The following PAM variants were observed in gnomAD, a reference collection of about 807,000 sequenced individuals.
PAM encodes the protein peptidyl-glycine alpha-amidating monooxygenase.
PAM carries 72 observed loss-of-function variants against 122.1 expected under a neutral mutation model. That is an observed-to-expected ratio of 0.59 (90% confidence interval 0.49 to 0.72). The LOEUF (loss-of-function observed/expected upper bound fraction) is 0.72, where lower values mean the gene tolerates loss of function less well. Ranked by LOEUF, PAM falls within the 30% of genes least tolerant of loss-of-function variation. The pLI, the probability that PAM is intolerant of heterozygous loss-of-function variation, is 0.00. For synonymous variants in PAM, 389 were observed against 404.4 expected (o/e 0.96, Z 0.46); for missense variants, 1,106 against 1,183.7 (o/e 0.93, Z 0.96).
chr5:103,004,383 G>C (rs1778310348), intron 17 of PAM, among the ~76,000 whole-genome samples: 1 of 152,096 alleles, frequency 6.6e-6, no homozygotes, highest in Admixed American at 6.6e-5. Flanking sequence ...CAGGGATCTA[G>C]TTCAGCTAAT....
chr5:102,867,124 C>T lies in PAM; in HGVS notation c.90-149C>T, dbSNP rs188357483. 5.1e-5 allele frequency: 24 copies of T among 473,084 alleles called. No homozygotes were observed. The Admixed American group carries it at 5.3e-4, about 10-fold the overall frequency. The allele number at this position is 473,084 out of a possible 1,614,324, so 29.3% of individuals were successfully genotyped here. On this transcript the variant is annotated intron_variant, in intron 2 of 25. Transcript: ENST00000438793. The stretch of plus-strand genomic sequence containing the variant: ...TAAAATGAAAATCTGAGTATGTTTA[C>T]GAACATTGTGTAGTCATCACATCTT...
At chr5:102,938,132 CAA>C (rs1033539730) in intron 7 of PAM, among the ~76,000 whole-genome samples, 1 of 152,162 alleles carries the variant, frequency 6.6e-6, no homozygotes, top group Non-Finnish European at 1.5e-5. Context: ...TAGTACCTCC[CAA>C]ATGATCTGAA....
rs1198688564 is a variant in PAM, at chr5:103,003,146, A to G, written c.1727A>G (p.Asn576Ser). Residue 576 changes from asparagine to serine, a missense_variant, in exon 17 of 26, where the codon AAT (asparagine) becomes AGT (serine). Asn to Ser is a conservative substitution (Grantham distance 46). Transcript: ENST00000438793. ...NAAVLQSSGK[N>S]LFYLPHGLSI... ...GCAGTACTCCAGTCCAGTGGAAAAA[A>G]TCTGTGAGTTAAATGACTTATGTTG... 7.5e-7 allele frequency: 1 copy of G among 1,329,570 alleles called. No individual in the cohort carries two copies. The highest frequency in any genetic ancestry group is 2.3e-5 in the East Asian group (1 of 43,540). The allele number at this position is 1,329,570 out of a possible 1,614,324, so 82.4% of individuals were successfully genotyped here.
intron 7 of PAM, among the ~76,000 whole-genome samples, chr5:102,928,421 GATAAGAA>G (rs1242744365): frequency 2.6e-5 from 4 of 152,080 alleles, no homozygotes; most frequent in Non-Finnish European, 5.9e-5. Flanking sequence ...GTAAGAGACA[GATAAGAA>G]ATTTTAACTT....
In PAM at chr5:102,960,035, G is replaced by A. The variant is rs759258064; in HGVS notation, c.1066G>A (p.Val356Ile). 3.1e-6 allele frequency: 5 copies of A among 1,602,154 alleles called. No individual in the cohort carries two copies. In the East Asian group the frequency reaches 1.1e-4, roughly 36 times the overall value. The change falls in exon 13 of 26, where the codon GTT becomes ATT. Residue 356 changes from valine to isoleucine, a missense_variant. Physicochemically the swap from Val to Ile is conservative, Grantham distance 29. This residue lies in a region of PAM where 670 missense variants were observed against 690.3 expected (regional missense o/e 0.97). Coordinates refer to ENST00000438793, the MANE Select transcript of PAM (RefSeq NM_001177306.2). ...NIPIPVKSDM[V>I]MMHEHHKETE... Reference sequence around the variant, plus strand: ...TCCAATTCCCGTGAAGTCTGATATGGTTATGATGCATGAACATCATAAAGG... The same window carrying A: ...TCCAATTCCCGTGAAGTCTGATATGATTATGATGCATGAACATCATAAAGG...
At chr5:102,860,738 AG>A (rs1233506656) in intron 1 of PAM, among the ~76,000 whole-genome samples, 1 of 152,038 alleles carries the variant, frequency 6.6e-6, no homozygotes, top group Non-Finnish European at 1.5e-5. Flanking sequence ...TTAATTATAA[AG>A]GGGAAAAAAA....
chr5:102,768,480 T>TC (rs893603821), intron 1 of PAM, among the ~76,000 whole-genome samples: 1 of 132,896 alleles, frequency 7.5e-6, no homozygotes, highest in African/African-American at 2.9e-5. Context: ...CCATCCCAAC[T>TC]CCCCCTCTAA....
Position 102,987,414 on chromosome 5 carries a change from G to A in PAM, c.1484-2858G>A, listed in dbSNP as rs530066038. ...AGATTCAGGGGAATGGAGACAAGTT[G>A]GTTAATGGGTACCAACATGTAGAGA... On this transcript the variant is annotated intron_variant, in intron 15 of 25. Coordinates refer to ENST00000438793, the MANE Select transcript of PAM (RefSeq NM_001177306.2). The A allele has an allele frequency of 1.2e-4, 44 of 357,536 alleles. 1 individual carries two copies. The Middle Eastern group carries it at 6.6e-3, about 53-fold the overall frequency. 22.1% of individuals were successfully genotyped at this position (357,536 alleles called of 1,614,324 possible).
chr5:102,916,549 C>T (rs578122913), intron 5 of PAM, among the ~76,000 whole-genome samples: 1 of 150,682 alleles, frequency 6.6e-6, no homozygotes, highest in Non-Finnish European at 1.5e-5. Flanking sequence ...AAAGTAGGAT[C>T]TTTTCAATAT....
rs946694255 is a variant in PAM, at chr5:102,875,190, A to T, written c.210+7797A>T. 3.5e-4 allele frequency among the ~76,000 whole-genome samples: 41 copies of T among 117,390 alleles called. 1 individual carries two copies. Among genetic ancestry groups the T allele is most frequent in the African/African-American group, 2.2e-3 (40 of 17,984 alleles). 77.0% of individuals were successfully genotyped at this position (117,390 alleles called of 152,430 possible). A position where few individuals can be genotyped will look rare whatever the true frequency, so the allele number is the denominator to read the frequency against. On this transcript the variant is annotated intron_variant, in intron 3 of 25. Coordinates refer to ENST00000438793, the MANE Select transcript of PAM (RefSeq NM_001177306.2). Reference sequence around the variant, plus strand: ...ACTGGCTTCATCCTAAATTATTATCATTATTATTATTATTATTATTTGAGG... The same window carrying T: ...ACTGGCTTCATCCTAAATTATTATCTTTATTATTATTATTATTATTTGAGG...
chr5:102,972,551 G>A (rs1181055337), intron 14 of PAM, among the ~76,000 whole-genome samples: 2 of 151,988 alleles, frequency 1.3e-5, no homozygotes, highest in Non-Finnish European at 2.9e-5. Flanking sequence ...CAAAGTGCTG[G>A]GATTACAAAT....
chr5:102,968,870 A>C (rs977498107), intron 14 of PAM, among the ~76,000 whole-genome samples: 7 of 152,230 alleles, frequency 4.6e-5, no homozygotes, highest in Non-Finnish European at 8.8e-5. Context: ...CTGGATAAAG[A>C]AAATGTGGCA....
At chr5:102,996,354 C>T (rs991253565) in intron 16 of PAM, among the ~76,000 whole-genome samples, 5 of 152,154 alleles carry the variant, frequency 3.3e-5, no homozygotes, top group Non-Finnish European at 7.3e-5. Context: ...AAATAAAGAC[C>T]TCTCTGCAGC....
chr5:102,906,431 T>A (rs1799572854), intron 4 of PAM, among the ~76,000 whole-genome samples: 1 of 151,570 alleles, frequency 6.6e-6, no homozygotes, highest in South Asian at 2.1e-4. Flanking sequence ...TATTTGAATA[T>A]GCAAAGGGGT....
Position 102,866,302 on chromosome 5 carries a change from G to A in PAM, c.89+18G>A, listed in dbSNP as rs1175819758. 6.6e-7 allele frequency: 1 copy of A among 1,526,146 alleles called. No individual in the cohort carries two copies. Among genetic ancestry groups the A allele is most frequent in the Non-Finnish European group, 9.1e-7 (1 of 1,100,104 alleles). The allele number at this position is 1,526,146 out of a possible 1,614,324, so 94.5% of individuals were successfully genotyped here. A position where few individuals can be genotyped will look rare whatever the true frequency, so the allele number is the denominator to read the frequency against. On this transcript the variant is annotated intron_variant, in intron 2 of 25. Coordinates refer to ENST00000438793, the MANE Select transcript of PAM (RefSeq NM_001177306.2). ...TTTAAGAGGTGGGTGTTCGTTGTTC[G>A]GGTGCTTTCTGTGCATGCTGTTGAG...
chr5:102,867,410 C>A lies in PAM; in HGVS notation c.210+17C>A, dbSNP rs1273933650. ...CCTAAACAGGTGAGAGGAATTTTGT[C>A]TTTCATTATTCACTTGTTCTGGATA... On this transcript the variant is annotated intron_variant, in intron 3 of 25. Transcript: ENST00000438793. 1.3e-6 allele frequency: 2 copies of A among 1,592,874 alleles called. No individual in the cohort carries two copies. The highest frequency in any genetic ancestry group is 2.7e-5 in the African/African-American group (2 of 74,386).
At chr5:102,859,767 T>C (rs574082678) in intron 1 of PAM, among the ~76,000 whole-genome samples, 76 of 152,326 alleles carry the variant, frequency 5.0e-4, no homozygotes, top group African/African-American at 1.8e-3. Flanking sequence ...CGTATACAAA[T>C]GTACCATTTC....
At chr5:102,882,396 GA>G (rs1304489781) in intron 3 of PAM, among the ~76,000 whole-genome samples, 1 of 151,038 alleles carries the variant, frequency 6.6e-6, no homozygotes, top group Non-Finnish European at 1.5e-5. Context: ...TTATTTTATA[GA>G]TTTTTTTTAT....
chr5:102,966,241 C>T (rs550288540), intron 14 of PAM, among the ~76,000 whole-genome samples: 7 of 152,184 alleles, frequency 4.6e-5, no homozygotes, highest in African/African-American at 1.7e-4. Context: ...AAATACCCCC[C>T]AAGGCTCTGG....
Sources: gnomAD v4.1 joint callset for allele counts (sites outside exome capture counted in the v4.1 genomes callset) on GRCh38, gnomAD v4.1.1 for gene constraint, gnomAD v4.1.1 regional missense constraint, MANE v1.5 for transcripts, NCBI Gene and HGNC (gene_info 2026-07-23, HGNC 2026-07-21) for gene names.